Variants in ARAP1 observed in about 807,000 individuals in gnomAD.
The protein encoded by ARAP1 is arf-GAP with Rho-GAP domain, ANK repeat and PH domain-containing protein 1.
A neutral mutation model predicts 172.2 loss-of-function variants in ARAP1; 76 were observed. The ratio of observed to expected loss-of-function variants is 0.44; its 90% confidence interval spans 0.37 to 0.53. The LOEUF (loss-of-function observed/expected upper bound fraction) is 0.53, where lower values mean the gene tolerates loss of function less well. Among genes scored for constraint, ARAP1 ranks in the 20% least tolerant of loss-of-function variants. ARAP1 has a pLI of 0.00. For missense variants in ARAP1, 1,686 were observed against 1,977.5 expected (o/e 0.85, Z 2.80); for synonymous variants, 804 against 803.3 (o/e 1.00, Z -0.01).
chr11:72,688,627 C>G (rs1176162620), intron 30 of ARAP1, 90 bp from the exon 31 acceptor site: 3 of 1,096,550 alleles, frequency 2.7e-6, no homozygotes, highest in Non-Finnish European at 4.0e-6. Flanking sequence ...TCTTCCAACT[C>G]CCCAGCCCTC....
chr11:72,696,313 C>A (rs1172721718), intron 23 of ARAP1, among the ~76,000 whole-genome samples: 1 of 152,210 alleles, frequency 6.6e-6, no homozygotes, highest in African/African-American at 2.4e-5. Context: ...CACTTGTTCA[C>A]CCACCACTCA....
chr11:72,707,172 C>T lies in ARAP1; in HGVS notation c.1723+3G>A. 1 of 1,581,754 alleles carries T rather than the reference C, an allele frequency of 6.3e-7. No homozygotes were observed. The highest frequency in any genetic ancestry group is 8.6e-7 in the Non-Finnish European group (1 of 1,163,422). ...CCTGGTGCCCCGACCCCCATGCACA[C>T]ACCTGCACAGCGCTTGCAGATAACA... is the stretch of plus-strand genomic sequence containing the variant. On this transcript the variant is annotated splice_donor_region_variant and intron_variant, in intron 12 of 34. Transcript: ENST00000393609.
intron 2 of ARAP1, among the ~76,000 whole-genome samples, chr11:72,727,554 C>A (rs1187946027): frequency 2.0e-5 from 3 of 152,210 alleles, no homozygotes; most frequent in Non-Finnish European, 2.9e-5. Context: ...CTCTGCAAGA[C>A]CCACGGCAGG....
Position 72,697,544 on chromosome 11 carries a change from G to T in ARAP1, c.2789+54C>A. 5 of 1,613,308 alleles carry T rather than the reference G, an allele frequency of 3.1e-6. No individual in the cohort carries two copies. The South Asian group carries it at 4.4e-5, about 14-fold the overall frequency. On this transcript the variant is annotated intron_variant, in intron 20 of 34. Transcript: ENST00000393609. Reference sequence around the variant, plus strand: ...TACACCTATCCCACCCTGTCCCCAGGCCCATCAGACTGCTCCAGCCTTCTC... The same window carrying T: ...TACACCTATCCCACCCTGTCCCCAGTCCCATCAGACTGCTCCAGCCTTCTC...
chr11:72,722,028 T>A, intron 3 of ARAP1: 1 of 985,498 alleles, frequency 1.0e-6, no homozygotes, highest in Non-Finnish European at 1.2e-6. Context: ...CTCTTGGAGG[T>A]TTTTGAGCCC....
intron 13 of ARAP1, 197 bp downstream of exon 13, chr11:72,705,608 A>T (rs1856721659): frequency 3.9e-6 from 2 of 518,918 alleles, no homozygotes; most frequent in Non-Finnish European, 6.8e-6. Flanking sequence ...CTATAAAAAC[A>T]TTCTTAGCTC....
Position 72,709,915 on chromosome 11 carries a change from A to G in ARAP1, c.1478T>C (p.Val493Ala), listed in dbSNP as rs1351464208. 13 of 1,614,028 alleles carry G rather than the reference A, an allele frequency of 8.1e-6. No homozygotes were observed. The highest frequency in any genetic ancestry group is 9.3e-6 in the Non-Finnish European group (11 of 1,180,020). Residue 493 changes from valine (V) to alanine (A), a missense_variant, in exon 11 of 35, where the codon GTG becomes GCG. Transcript: ENST00000393609. ...IDMSVGNVKE[V>A]DRRSFDLTTP... Reference sequence around the variant, plus strand: ...GGTGAGGTCGAAGCTGCGCCGGTCCACTTCCTTCACGTTGCCCACGCTCAT... The same window carrying G: ...GGTGAGGTCGAAGCTGCGCCGGTCCGCTTCCTTCACGTTGCCCACGCTCAT...
intron 1 of ARAP1, among the ~76,000 whole-genome samples, chr11:72,734,506 G>A (rs1282904309): frequency 1.3e-5 from 2 of 152,172 alleles, no homozygotes; most frequent in African/African-American, 2.4e-5. Flanking sequence ...CTACTCAAAC[G>A]ACAATTTGAA....
chr11:72,736,517 A>G (rs1372929776), intron 1 of ARAP1, among the ~76,000 whole-genome samples: 1 of 152,120 alleles, frequency 6.6e-6, no homozygotes, highest in Non-Finnish European at 1.5e-5. Flanking sequence ...CTCAGCTGCT[A>G]TGACACATCA....
rs56850317 is a variant in ARAP1, at chr11:72,703,408, CGG to C, written c.1993-331_1993-330del. On this transcript the variant is annotated intron_variant, in intron 14 of 34. Transcript: ENST00000393609. Reference sequence around the variant, plus strand: ...AGCTCCTTCTGCCTTGTGGAGGAGCCGGGGGGGGGGTGTGCTTTGTAGCTAAT... The same window carrying C: ...AGCTCCTTCTGCCTTGTGGAGGAGCCGGGGGGGGTGTGCTTTGTAGCTAAT... 8.4e-3 allele frequency: 958 copies of C among 113,762 alleles called. 13 individuals carry two copies. Among genetic ancestry groups the C allele is most frequent in the Middle Eastern group, 0.017 (5 of 296 alleles). The allele number at this position is 113,762 out of a possible 1,614,324, so 7.0% of individuals were successfully genotyped here.
At chr11:72,736,637 C>T (rs1164531722) in intron 1 of ARAP1, among the ~76,000 whole-genome samples, 1 of 152,030 alleles carries the variant, frequency 6.6e-6, no homozygotes, top group Non-Finnish European at 1.5e-5. Flanking sequence ...CCTAATGGCC[C>T]AATCAGACTT....
chr11:72,702,811 G>A (rs1856552018), intron 15 of ARAP1, 94 bp downstream of exon 15: 1 of 1,448,118 alleles, frequency 6.9e-7, no homozygotes, highest in East Asian at 2.5e-5. Flanking sequence ...ACAGGCCCTT[G>A]AGGAGCTGCG....
chr11:72,689,846 C>T (rs911260868), intron 30 of ARAP1, among the ~76,000 whole-genome samples: 2 of 151,930 alleles, frequency 1.3e-5, no homozygotes, highest in Non-Finnish European at 2.9e-5. Context: ...ATTAGGCAGG[C>T]GGGAGGAAAT....
In ARAP1 at chr11:72,697,335, T is replaced by C. The variant is rs1175734835; in HGVS notation, c.2941A>G (p.Ile981Val). 8 of 1,592,350 alleles carry C rather than the reference T, an allele frequency of 5.0e-6. No individual in the cohort carries two copies. Among genetic ancestry groups the C allele is most frequent in the African/African-American group, 1.3e-5 (1 of 74,634 alleles). Residue 981 changes from isoleucine to valine, a missense_variant, in exon 21 of 35, where the codon ATC becomes GTC. Transcript: ENST00000393609. ...PVIVYRCVDY[I>V]TQCGLTSEGI... The stretch of plus-strand genomic sequence containing the variant: ...GGGCAGGGCTCACCGCACTGCGTGA[T>C]GTAGTCCACACAGCGGTACACGATC...
At position 72,707,374 on chromosome 11, in the gene ARAP1, G is replaced by A; in HGVS notation, c.1524C>T (p.Ser508=). Residue 508 remains serine (S), a splice_region_variant and synonymous_variant, in exon 12 of 35, where the codon AGC becomes AGT. Coordinates refer to ENST00000393609, the MANE Select transcript of ARAP1 (RefSeq NM_001040118.3). The part of the protein sequence containing the change: ...FDLTTPYRIF[S]FSADSELEKE... ...TCTCTAGCTCTGAGTCAGCAGAGAA[G>A]CTGGGGACATAGGGGTGGGGAGATT... is the stretch of plus-strand genomic sequence containing the variant. The A allele has an allele frequency of 1.2e-6, 2 of 1,611,052 alleles. No homozygotes were observed. Among genetic ancestry groups the A allele is most frequent in the Non-Finnish European group, 1.7e-6 (2 of 1,178,326 alleles).
At chr11:72,689,758 G>C (rs1855859993) in intron 30 of ARAP1, among the ~76,000 whole-genome samples, 1 of 152,242 alleles carries the variant, frequency 6.6e-6, no homozygotes, top group Admixed American at 6.5e-5. Context: ...CTAACCTGAT[G>C]ATGGCCATGT....
intron 2 of ARAP1, among the ~76,000 whole-genome samples, chr11:72,728,367 G>T (rs1479396386): frequency 1.3e-5 from 2 of 152,286 alleles, no homozygotes; most frequent in Non-Finnish European, 2.9e-5. Flanking sequence ...GATTGCCTGA[G>T]CTCAAGAGTT....
At chr11:72,742,251 G>A (rs1858221613) in intron 1 of ARAP1, among the ~76,000 whole-genome samples, 1 of 152,160 alleles carries the variant, frequency 6.6e-6, no homozygotes, top group Non-Finnish European at 1.5e-5. Context: ...CCTGGAACTT[G>A]CTCACCTGAT....
In ARAP1 at chr11:72,712,426, C is replaced by A; in HGVS notation, c.878+12G>T. The A allele has an allele frequency of 6.4e-7, 1 of 1,559,470 alleles. No individual in the cohort carries two copies. The highest frequency in any genetic ancestry group is 8.7e-7 in the Non-Finnish European group (1 of 1,146,222). ...TTGGGCTCAGTGGGAAGGAGGGTGG[C>A]CGGACACTCACTTGGGGACGCCCTC... is the stretch of plus-strand genomic sequence containing the variant. On this transcript the variant is annotated intron_variant, in intron 6 of 34. Coordinates refer to ENST00000393609, the MANE Select transcript of ARAP1 (RefSeq NM_001040118.3).
Sources: allele counts gnomAD v4.1 joint callset (sites outside exome capture counted in the v4.1 genomes callset), GRCh38; gene constraint gnomAD v4.1.1; transcripts MANE v1.5; gene names NCBI Gene and HGNC (gene_info 2026-07-23, HGNC 2026-07-21).